The following C2orf66 variants were observed in gnomAD, a reference collection of about 807,000 sequenced individuals.
C2orf66 encodes chromosome 2 open reading frame 66, also known as uncharacterized protein C2orf66.
Under a neutral mutation model 7.0 loss-of-function variants are expected in C2orf66, and 6 were observed. The ratio of observed to expected loss-of-function variants is 0.86; its 90% CI spans 0.47 to 1.69. The LOEUF (loss-of-function observed/expected upper bound fraction) is 1.69. C2orf66 is among the 40% of genes most tolerant of loss of function. The pLI is 0.01. For missense variants in C2orf66, 107 were observed against 112.0 expected (o/e 0.96, Z 0.20); for synonymous variants, 38 against 43.8 (o/e 0.87, Z 0.52).
upstream of C2orf66, among the ~76,000 whole-genome samples, chr2:196,813,883 C>A (rs1576051489): frequency 6.6e-6 from 1 of 152,306 alleles, no homozygotes; most frequent in Non-Finnish European, 1.5e-5. Context: ...TACCATCTCA[C>A]ACCGGTTAGA....
At chr2:196,829,362 G>A in the C2orf66 span, among the ~76,000 whole-genome samples, 1 of 152,134 alleles carries the variant, frequency 6.6e-6, no homozygotes, top group South Asian at 2.1e-4. Context: ...GCCGAGGCAG[G>A]TGGATCACCT....
upstream of C2orf66, among the ~76,000 whole-genome samples, chr2:196,812,902 T>C (rs1480220065): frequency 1.3e-5 from 2 of 152,204 alleles, no homozygotes; most frequent in Non-Finnish European, 2.9e-5. Context: ...CAAGGAGAAC[T>C]ACCAACCACT....
the C2orf66 span, among the ~76,000 whole-genome samples, chr2:196,821,562 C>T: frequency 4.9e-4 from 74 of 152,172 alleles, no homozygotes; most frequent in African/African-American, 1.7e-3. Flanking sequence ...CTATTATGAA[C>T]CTGGGATTTT....
chr2:196,804,939 G>A lies in C2orf66; in HGVS notation c.*489C>T, dbSNP rs559368186. ...ACTGTGAAGTATTTTGGTAGTGTAT[G>A]CTGAACATGGGAATGCATCTTCTTT... On this transcript the variant is annotated 3_prime_UTR_variant, in exon 3 of 3. Transcript: ENST00000342506. 6.6e-6 allele frequency: 1 copy of A among 152,256 alleles called. No individual in the cohort carries two copies. The highest frequency in any genetic ancestry group is 2.4e-5 in the African/African-American group (1 of 41,550). The allele number at this position is 152,256 out of a possible 1,614,324, so 9.4% of individuals were successfully genotyped here.
chr2:196,811,169 AG>A (rs1699871743), upstream of C2orf66, among the ~76,000 whole-genome samples: 1 of 152,212 alleles, frequency 6.6e-6, no homozygotes, highest in Non-Finnish European at 1.5e-5. Flanking sequence ...TGCCAGGCGT[AG>A]AGGGAGCAGG....
the C2orf66 span, among the ~76,000 whole-genome samples, chr2:196,817,337 C>T: frequency 1.3e-5 from 2 of 149,978 alleles, no homozygotes; most frequent in African/African-American, 5.0e-5. Context: ...TGGGTTCATG[C>T]CATTCTCCTG....
chr2:196,820,100 A>C, the C2orf66 span, among the ~76,000 whole-genome samples: 1 of 152,248 alleles, frequency 6.6e-6, no homozygotes, highest in Non-Finnish European at 1.5e-5. Flanking sequence ...AAGCCCAGTC[A>C]ATAAGAAATA....
At chr2:196,820,927 G>GA in the C2orf66 span, among the ~76,000 whole-genome samples, 1 of 152,182 alleles carries the variant, frequency 6.6e-6, no homozygotes, top group Non-Finnish European at 1.5e-5. Flanking sequence ...TTATTTGGAA[G>GA]AAAGGTCTTT....
intron 1 of C2orf66, 138 bp from the exon 2 acceptor site, chr2:196,807,760 C>T (rs1388158976): frequency 1.5e-6 from 1 of 682,560 alleles, no homozygotes; most frequent in African/African-American, 1.9e-5. Context: ...TCTAGAAATA[C>T]AAGTACATGC....
At chr2:196,830,931 CAG>C in the C2orf66 span, among the ~76,000 whole-genome samples, 5 of 152,138 alleles carry the variant, frequency 3.3e-5, no homozygotes, top group Admixed American at 1.3e-4. Context: ...CTTAATCCAG[CAG>C]AGAGTGTAAC....
At chr2:196,819,834 T>G in the C2orf66 span, among the ~76,000 whole-genome samples, 22 of 152,212 alleles carry the variant, frequency 1.4e-4, no homozygotes, top group Non-Finnish European at 5.9e-5. Context: ...TCACCAGAGA[T>G]TTACATAATG....
upstream of C2orf66, chr2:196,809,450 G>A: frequency 7.0e-7 from 1 of 1,433,860 alleles, no homozygotes; most frequent in Non-Finnish European, 9.7e-7. Flanking sequence ...AGACAAGGAA[G>A]GAGAAATAGC....
At chr2:196,810,210 T>G (rs953788876), upstream of C2orf66, 9 of 152,236 alleles carry the variant, frequency 5.9e-5, no homozygotes, top group Non-Finnish European at 1.0e-4. Flanking sequence ...CAAAGTGATT[T>G]TCTCCTTTTT....
the C2orf66 span, among the ~76,000 whole-genome samples, chr2:196,820,154 G>C: frequency 8.5e-5 from 13 of 152,298 alleles, no homozygotes; most frequent in South Asian, 2.7e-3. Flanking sequence ...ACATAGGCCT[G>C]CTAAAGGAGT....
At chr2:196,807,680 G>C in intron 1 of C2orf66, 58 bp from the exon 2 acceptor site, 1 of 1,406,970 alleles carries the variant, frequency 7.1e-7, no homozygotes, top group Non-Finnish European at 9.8e-7. Context: ...AAAAATAAAG[G>C]TGTTTTTCTT....
In C2orf66 at chr2:196,809,290, A is replaced by G; in HGVS notation, c.47T>C (p.Leu16Pro). 1 of 1,614,130 alleles carries G rather than the reference A, an allele frequency of 6.2e-7. No homozygotes were observed. The highest frequency in any genetic ancestry group is 1.1e-5 in the South Asian group (1 of 91,080). ...LLLLCVALVL[L>P]GHVNGATVRN... is the part of the protein sequence containing the mutation. ...TACTGTGGCTCCATTCACATGCCCA[A>G]GCAGCACCAGGGCAACACATAGTAG... Residue 16 changes from leucine (L) to proline (P), a missense_variant, in exon 1 of 3, where the codon CTT becomes CCT. Leu to Pro is a moderately conservative substitution (Grantham distance 98). Transcript: ENST00000342506.
upstream of C2orf66, among the ~76,000 whole-genome samples, chr2:196,813,874 A>G (rs1166245550): frequency 6.6e-6 from 1 of 152,264 alleles, no homozygotes; most frequent in Non-Finnish European, 1.5e-5. Flanking sequence ...ACAATGAGAT[A>G]CCATCTCACA....
chr2:196,825,250 G>T, the C2orf66 span, among the ~76,000 whole-genome samples: 1,124 of 145,404 alleles, frequency 7.7e-3, 11 homozygotes, highest in African/African-American at 0.026. Flanking sequence ...AAAAGGTAAA[G>T]GACTTCAATG....
chr2:196,825,310 A>G, the C2orf66 span, among the ~76,000 whole-genome samples: 1 of 152,158 alleles, frequency 6.6e-6, no homozygotes, highest in African/African-American at 2.4e-5. Context: ...ATATGAAAAA[A>G]TTATCAACAT....
Sources: allele counts gnomAD v4.1 joint callset (sites outside exome capture counted in the v4.1 genomes callset), GRCh38; gene constraint gnomAD v4.1.1; transcripts MANE v1.5; gene names NCBI Gene and HGNC (gene_info 2026-07-23, HGNC 2026-07-21).